Variants in TENM2 observed in about 807,000 individuals in gnomAD.
The protein encoded by TENM2 is teneurin-2.
Under a neutral mutation model 245.2 loss-of-function variants are expected in TENM2, and 52 were observed. The observed-to-expected ratio is 0.21, with a 90% confidence interval of 0.17 to 0.27. The LOEUF is 0.27. TENM2 is among the 10% of genes least tolerant of loss of function. TENM2 has a pLI of 1.00. For synonymous variants in TENM2, 1,363 were observed against 1,438.9 expected (o/e 0.95, Z 1.19); for missense variants, 3,046 against 3,666.8 (o/e 0.83, Z 4.37).
chr5:167,647,925 G>T (rs56921614), intron 2 of TENM2, among the ~76,000 whole-genome samples: 1 of 151,930 alleles, frequency 6.6e-6, no homozygotes, highest in Non-Finnish European at 1.5e-5. Context: ...ACTGCAAGTC[G>T]CCCTGAAGTT....
chr5:167,306,609 C>T (rs1263767405), intron 1 of TENM2: 1 of 152,078 alleles, frequency 6.6e-6, no homozygotes, highest in Admixed American at 6.5e-5. Context: ...GCGGGGATGC[C>T]AGCTAAGCCA....
At chr5:167,858,260 T>C (rs1015817581) in intron 2 of TENM2, among the ~76,000 whole-genome samples, 1 of 152,276 alleles carries the variant, frequency 6.6e-6, no homozygotes. Flanking sequence ...ATCTGTACCA[T>C]GTCTTCATAA....
chr5:167,700,196 G>C (rs1337567416), intron 2 of TENM2, among the ~76,000 whole-genome samples: 2 of 152,154 alleles, frequency 1.3e-5, no homozygotes, highest in Non-Finnish European at 2.9e-5. Context: ...CCTTGATAGA[G>C]AGATCAGATG....
intron 2 of TENM2, among the ~76,000 whole-genome samples, chr5:167,733,799 A>G (rs888287308): frequency 3.9e-5 from 6 of 152,330 alleles, no homozygotes; most frequent in Middle Eastern, 3.4e-3. Flanking sequence ...CTGGACAAGA[A>G]TCCCAGTGTA....
chr5:167,573,230 A>G (rs1178102871), intron 2 of TENM2, among the ~76,000 whole-genome samples: 1 of 152,208 alleles, frequency 6.6e-6, no homozygotes, highest in Non-Finnish European at 1.5e-5. Flanking sequence ...ATTTTTGCCT[A>G]CATAAATAAA....
At chr5:167,576,494 AAACTTG>A (rs796638310) in intron 2 of TENM2, among the ~76,000 whole-genome samples, 2 of 152,338 alleles carry the variant, frequency 1.3e-5, no homozygotes, top group African/African-American at 4.8e-5. Flanking sequence ...AAAGCTATTA[AAACTTG>A]AGTTCGATTT....
chr5:167,483,474 G>A (rs1401169027), intron 2 of TENM2, among the ~76,000 whole-genome samples: 1 of 152,096 alleles, frequency 6.6e-6, no homozygotes, highest in Non-Finnish European at 1.5e-5. Context: ...AGTTTAAATG[G>A]GCCCAAAGGA....
rs1407988521 is a variant in TENM2 at position 167,929,110 on chromosome 5, AAAGAAAGAAAGAAAG to A, written c.713-23475_713-23461del. Among the ~76,000 whole-genome samples the A allele has an allele frequency of 2.0e-4, 26 of 130,824 alleles. No homozygotes were observed. The East Asian group carries it at 3.7e-3, about 18-fold the overall frequency. The allele number at this position is 130,824 out of a possible 152,430, so 85.8% of individuals were successfully genotyped here. A position where few individuals can be genotyped will look rare whatever the true frequency, so the allele number is the denominator to read the frequency against. ...GAAAGAAAGAAAGAAAGAAAGAAAG[AAAGAAAGAAAGAAAG>A]AAAGAAAAGAAAGAAGGGAGGGAGG... On this transcript the variant is annotated intron_variant, in intron 3 of 28. Coordinates refer to ENST00000518659, the Ensembl canonical transcript of TENM2.
At chr5:168,087,746 T>C (rs936536052) in intron 7 of TENM2, among the ~76,000 whole-genome samples, 1 of 152,168 alleles carries the variant, frequency 6.6e-6, no homozygotes, top group Non-Finnish European at 1.5e-5. Flanking sequence ...TCCTGGAGTT[T>C]ATGTTCTTAG....
intron 19 of TENM2, among the ~76,000 whole-genome samples, chr5:168,205,486 C>T (rs1291385132): frequency 6.6e-6 from 1 of 152,092 alleles, no homozygotes; most frequent in Non-Finnish European, 1.5e-5. Flanking sequence ...AACTGGGCGA[C>T]AGGGAGGGTA....
At chr5:167,238,162 G>GT in the TENM2 span, among the ~76,000 whole-genome samples, 3 of 152,014 alleles carry the variant, frequency 2.0e-5, no homozygotes, top group Non-Finnish European at 4.4e-5. Flanking sequence ...AATGTATTCT[G>GT]TTTATATTTT....
the TENM2 span, among the ~76,000 whole-genome samples, chr5:167,199,692 C>T: frequency 1.3e-5 from 2 of 152,038 alleles, no homozygotes; most frequent in Admixed American, 1.3e-4. Flanking sequence ...TTGAAATAAG[C>T]TCATCGGGAG....
chr5:168,108,257 A>G (rs548176520), intron 9 of TENM2, among the ~76,000 whole-genome samples: 7 of 152,338 alleles, frequency 4.6e-5, no homozygotes, highest in Admixed American at 1.3e-4. Context: ...CAGAAAAGAA[A>G]TGCCATTTAT....
At chr5:167,921,244 A>T (rs1777347545) in intron 3 of TENM2, among the ~76,000 whole-genome samples, 1 of 152,326 alleles carries the variant, frequency 6.6e-6, no homozygotes, top group Non-Finnish European at 1.5e-5. Context: ...TGAAAAATAT[A>T]TTTATTACAT....
At chr5:167,979,560 G>A (rs1260324620) in intron 4 of TENM2, among the ~76,000 whole-genome samples, 1 of 152,142 alleles carries the variant, frequency 6.6e-6, no homozygotes, top group Non-Finnish European at 1.5e-5. Context: ...GAAGAAAGAA[G>A]GGGATAGGGC....
At chr5:167,251,601 C>T in the TENM2 span, among the ~76,000 whole-genome samples, 2 of 152,128 alleles carry the variant, frequency 1.3e-5, no homozygotes, top group Admixed American at 1.3e-4. Flanking sequence ...CTCAAGATAT[C>T]ATACAGCTTG....
chr5:168,070,793 AAG>A (rs201553774), intron 7 of TENM2, among the ~76,000 whole-genome samples: 25,916 of 89,152 alleles, frequency 0.29, 2,727 homozygotes, highest in East Asian at 0.43. Context: ...GAAAGAAAGA[AAG>A]AGAGAGAGAG....
At chr5:167,204,961 G>A in the TENM2 span, among the ~76,000 whole-genome samples, 4 of 152,278 alleles carry the variant, frequency 2.6e-5, no homozygotes, top group African/African-American at 9.6e-5. Flanking sequence ...CTCATATCTT[G>A]AGCTCCAGTC....
intron 4 of TENM2, among the ~76,000 whole-genome samples, chr5:167,979,600 T>C (rs1051809829): frequency 6.6e-6 from 1 of 152,032 alleles, no homozygotes; most frequent in Non-Finnish European, 1.5e-5. Flanking sequence ...CTATAGAAAC[T>C]CTTAGAAATT....
Sources: allele counts gnomAD v4.1 joint callset (sites outside exome capture counted in the v4.1 genomes callset), GRCh38; gene constraint gnomAD v4.1.1; transcripts MANE v1.5; gene names NCBI Gene and HGNC (gene_info 2026-07-23, HGNC 2026-07-21).